NTM: variants seen among roughly 807,000 people sequenced by gnomAD.
NTM encodes neurotrimin.
A neutral mutation model predicts 42.1 loss-of-function variants in NTM; 13 were observed. The ratio of observed to expected loss-of-function variants is 0.31; its 90% CI spans 0.20 to 0.49. NTM has a LOEUF of 0.49. NTM is among the 20% of genes least tolerant of loss of function. The pLI is 0.99. For missense variants in NTM, 373 were observed against 452.8 expected (o/e 0.82, Z 1.60); for synonymous variants, 187 against 179.2 (o/e 1.04, Z -0.35).
chr11:131,619,431 G>A (rs561227320), intron 1 of NTM, among the ~76,000 whole-genome samples: 1 of 152,314 alleles, frequency 6.6e-6, no homozygotes, highest in African/African-American at 2.4e-5. Flanking sequence ...ACCAAAGGCT[G>A]TGGGAGTACA....
intron 1 of NTM, among the ~76,000 whole-genome samples, chr11:131,466,416 A>C (rs548398079): frequency 6.6e-6 from 1 of 152,314 alleles, no homozygotes; most frequent in African/African-American, 2.4e-5. Flanking sequence ...TTGGACTGTA[A>C]GCATTTAAGT....
intron 1 of NTM, among the ~76,000 whole-genome samples, chr11:131,691,530 G>A (rs1000500685): frequency 4.6e-5 from 7 of 151,016 alleles, no homozygotes; most frequent in African/African-American, 7.4e-5. Context: ...GTCGTCGCCT[G>A]GACTCCATCC....
chr11:131,867,536 CTG>C (rs1199806955), intron 1 of NTM, among the ~76,000 whole-genome samples: 1 of 151,298 alleles, frequency 6.6e-6, no homozygotes, highest in African/African-American at 2.4e-5. Flanking sequence ...GTAAGTGTAT[CTG>C]TGTGTGTGCG....
intron 1 of NTM, among the ~76,000 whole-genome samples, chr11:131,547,149 T>C (rs1179009733): frequency 6.6e-6 from 1 of 152,176 alleles, no homozygotes; most frequent in African/African-American, 2.4e-5. Flanking sequence ...GTTTCCAAGG[T>C]GGTAATTATT....
intron 1 of NTM, among the ~76,000 whole-genome samples, chr11:131,654,419 A>G (rs2066910190): frequency 6.7e-6 from 1 of 149,636 alleles, no homozygotes; most frequent in South Asian, 2.1e-4. Context: ...TTGAAAAGCA[A>G]CTCGTCCAGT....
chr11:131,598,758 C>CTTTCTTTCTTTCTTT (rs2060103744), intron 1 of NTM, among the ~76,000 whole-genome samples: 1 of 33,366 alleles, frequency 3.0e-5, no homozygotes, highest in African/African-American at 9.5e-5. Context: ...TTTCTTTCTT[C>CTTTCTTTCTTTCTTT]TTTCTTTTTT....
intron 2 of NTM, among the ~76,000 whole-genome samples, chr11:132,039,528 G>T (rs1427654110): frequency 6.6e-6 from 1 of 151,530 alleles, no homozygotes; most frequent in Non-Finnish European, 1.5e-5. Context: ...TTCCTGTCTG[G>T]ATTCTTTTGC....
chr11:131,728,823 TG>T (rs1265027339), intron 1 of NTM, among the ~76,000 whole-genome samples: 1 of 152,140 alleles, frequency 6.6e-6, no homozygotes, highest in East Asian at 1.9e-4. Flanking sequence ...GTCTTACAGG[TG>T]ACAAGTCCCT....
chr11:131,633,522 T>C (rs528316562), intron 1 of NTM, among the ~76,000 whole-genome samples: 1 of 152,216 alleles, frequency 6.6e-6, no homozygotes, highest in East Asian at 1.9e-4. Flanking sequence ...ATCAGGGTTC[T>C]GTCTCTCTCT....
intron 1 of NTM, among the ~76,000 whole-genome samples, chr11:131,464,525 C>T (rs74447061): frequency 0.055 from 8,300 of 152,214 alleles, 512 homozygotes; most frequent in East Asian, 0.18. Context: ...TCTCTGTTTC[C>T]TTCTCTCTTC....
In NTM at chr11:132,315,099, TG is replaced by T. The variant is rs201497708; in HGVS notation, c.934+397del. The T allele has an allele frequency of 6.4e-4, 636 of 998,204 alleles. 2 individuals are homozygous for T. The African/African-American group carries it at 0.01, about 16-fold the overall frequency. The allele number at this position is 998,204 out of a possible 1,614,324, so 61.8% of individuals were successfully genotyped here. On this transcript the variant is annotated intron_variant, in intron 7 of 8. Coordinates refer to ENST00000683400, the MANE Select transcript of NTM (RefSeq NM_001352005.2). The stretch of plus-strand genomic sequence containing the variant: ...CATTTGATTTTTTTTTTCTCAGTGA[TG>T]ATGGCTCCTAAGCTGACTGTGGGAA...
rs1008414433 is a variant in NTM, at chr11:131,947,381, G to A, written c.167+35733G>A. 7.2e-5 allele frequency among the ~76,000 whole-genome samples: 11 copies of A among 152,196 alleles called. 1 individual carries two copies. The South Asian group carries it at 2.3e-3, about 32-fold the overall frequency. ...ACCGCTTCAGGAACCCTCCCTGCCT[G>A]TGGAGTCATCTACTCTAATTGTCCG... On this transcript the variant is annotated intron_variant, in intron 2 of 8. Coordinates refer to ENST00000683400, the MANE Select transcript of NTM (RefSeq NM_001352005.2).
intron 1 of NTM, among the ~76,000 whole-genome samples, chr11:131,670,289 A>G (rs28705746): frequency 6.6e-6 from 1 of 152,080 alleles, no homozygotes; most frequent in African/African-American, 2.4e-5. Context: ...CCAAAGAAGG[A>G]AAAATAGAAA....
intron 2 of NTM, among the ~76,000 whole-genome samples, chr11:131,931,444 A>T (rs549207): frequency 0.25 from 37,027 of 149,146 alleles, 4,835 homozygotes; most frequent in East Asian, 0.41. Context: ...GCCTCAAAAA[A>T]AAAAATAATA....
intron 7 of NTM, among the ~76,000 whole-genome samples, chr11:132,329,051 C>T (rs1368054717): frequency 6.6e-6 from 1 of 152,130 alleles, no homozygotes; most frequent in African/African-American, 2.4e-5. Flanking sequence ...AGAGGGATAT[C>T]GTGTGTCAGG....
At chr11:132,331,991 G>A (rs1174130051) in intron 8 of NTM, among the ~76,000 whole-genome samples, 1 of 152,206 alleles carries the variant, frequency 6.6e-6, no homozygotes, top group Non-Finnish European at 1.5e-5. Flanking sequence ...GTAGTGCTCG[G>A]TCCACTGAGA....
At chr11:132,251,110 A>G (rs565522716) in intron 4 of NTM, among the ~76,000 whole-genome samples, 7 of 152,314 alleles carry the variant, frequency 4.6e-5, no homozygotes, top group East Asian at 1.9e-4. Context: ...CCGTAACACA[A>G]TTTCTTGGAG....
intron 1 of NTM, among the ~76,000 whole-genome samples, chr11:131,465,360 G>A (rs866053790): frequency 6.6e-6 from 1 of 152,172 alleles, no homozygotes; most frequent in Non-Finnish European, 1.5e-5. Context: ...GGAAAAGGGA[G>A]CTGTAAACTC....
chr11:131,860,388 G>A (rs572267537), intron 1 of NTM, among the ~76,000 whole-genome samples: 14 of 152,208 alleles, frequency 9.2e-5, no homozygotes, highest in South Asian at 6.2e-4. Context: ...TGCTCTTTCC[G>A]TCCCAAGAGG....
Sources: gnomAD v4.1 joint callset for allele counts (sites outside exome capture counted in the v4.1 genomes callset) on GRCh38, gnomAD v4.1.1 for gene constraint, MANE v1.5 for transcripts, NCBI Gene and HGNC (gene_info 2026-07-23, HGNC 2026-07-21) for gene names.